Variants in POU2AF2 observed in about 807,000 individuals in gnomAD.
The protein encoded by POU2AF2 is POU class 2 homeobox associating factor 2, also known as POU domain class 2-associating factor 2.
the POU2AF2 span, among the ~76,000 whole-genome samples, chr11:111,255,649 C>T: frequency 6.6e-6 from 1 of 152,342 alleles, no homozygotes; most frequent in South Asian, 2.1e-4. Context: ...TTTCAAGTTG[C>T]ATCCAATCCT....
the POU2AF2 span, among the ~76,000 whole-genome samples, chr11:111,246,359 C>A: frequency 2.6e-5 from 4 of 152,274 alleles, no homozygotes; most frequent in South Asian, 8.3e-4. Flanking sequence ...AAGGAAGAGT[C>A]TGGGCTGTTA....
the POU2AF2 span, among the ~76,000 whole-genome samples, chr11:111,251,011 A>G: frequency 1.3e-5 from 2 of 152,164 alleles, no homozygotes; most frequent in Non-Finnish European, 2.9e-5. Flanking sequence ...GGACCATTGT[A>G]GGGTTTAGAG....
chr11:111,245,741 C>T, the POU2AF2 span: 3 of 398,206 alleles, frequency 7.5e-6, no homozygotes, highest in East Asian at 1.1e-4. Context: ...GGCTTTCCCA[C>T]CAGGGTCAGG....
At chr11:111,280,057 A>AAAATATATATATATATAT in the POU2AF2 span, among the ~76,000 whole-genome samples, 9 of 76,470 alleles carry the variant, frequency 1.2e-4, no homozygotes, top group Admixed American at 1.8e-4. Flanking sequence ...AAAAAAAAAA[A>AAAATATATATATATATAT]ATATATATAT....
the POU2AF2 span, among the ~76,000 whole-genome samples, chr11:111,249,973 C>G: frequency 2.6e-5 from 4 of 152,058 alleles, no homozygotes; most frequent in African/African-American, 7.2e-5. Flanking sequence ...GCTTCAATTA[C>G]CATAATTCTA....
At chr11:111,248,971 C>T in the POU2AF2 span, among the ~76,000 whole-genome samples, 1 of 152,164 alleles carries the variant, frequency 6.6e-6, no homozygotes, top group African/African-American at 2.4e-5. Context: ...CTAAATTCTT[C>T]GTCATTAAAG....
chr11:111,263,595 G>C, the POU2AF2 span, among the ~76,000 whole-genome samples: 1 of 152,044 alleles, frequency 6.6e-6, no homozygotes, highest in Admixed American at 6.5e-5. Context: ...ACCATGCCCA[G>C]CTAATTTTTG....
At chr11:111,258,034 T>A in the POU2AF2 span, among the ~76,000 whole-genome samples, 1 of 152,086 alleles carries the variant, frequency 6.6e-6, no homozygotes, top group Non-Finnish European at 1.5e-5. Context: ...GGGAGGATCA[T>A]TTGAACCTGG....
At chr11:111,264,170 G>C in the POU2AF2 span, among the ~76,000 whole-genome samples, 1 of 152,052 alleles carries the variant, frequency 6.6e-6, no homozygotes, top group Middle Eastern at 3.2e-3. Flanking sequence ...GTTCAGAGGA[G>C]GGAAAGCAAA....
At chr11:111,272,786 T>C in the POU2AF2 span, among the ~76,000 whole-genome samples, 1 of 152,192 alleles carries the variant, frequency 6.6e-6, no homozygotes, top group Non-Finnish European at 1.5e-5. Context: ...TTTAATAAAA[T>C]GAATGAAATG....
chr11:111,264,116 A>G, the POU2AF2 span, among the ~76,000 whole-genome samples: 2 of 152,330 alleles, frequency 1.3e-5, no homozygotes, highest in African/African-American at 4.8e-5. Flanking sequence ...CTTTGCTCCA[A>G]GTGCCAAAAG....
the POU2AF2 span, among the ~76,000 whole-genome samples, chr11:111,267,025 C>T: frequency 1.3e-5 from 2 of 152,126 alleles, no homozygotes; most frequent in African/African-American, 4.8e-5. Flanking sequence ...TGCTCCCTCT[C>T]GGGAACACAT....
chr11:111,272,404 A>T, the POU2AF2 span, among the ~76,000 whole-genome samples: 1 of 152,176 alleles, frequency 6.6e-6, no homozygotes, highest in Admixed American at 6.5e-5. Context: ...TTTTCCCATC[A>T]ATAAGCTAGG....
the POU2AF2 span, among the ~76,000 whole-genome samples, chr11:111,283,008 G>T: frequency 8.6e-5 from 7 of 81,490 alleles, no homozygotes; most frequent in Non-Finnish European, 1.8e-4. Flanking sequence ...CTTAAATGAA[G>T]CTCTTATCAG....
chr11:111,277,475 A>G, the POU2AF2 span, among the ~76,000 whole-genome samples: 1 of 152,232 alleles, frequency 6.6e-6, no homozygotes, highest in South Asian at 2.1e-4. Flanking sequence ...AAACTTTTAG[A>G]GCAGATATGT....
the POU2AF2 span, among the ~76,000 whole-genome samples, chr11:111,265,194 T>C: frequency 6.6e-6 from 1 of 152,102 alleles, no homozygotes; most frequent in East Asian, 1.9e-4. Context: ...AAAGAGAAGG[T>C]TGGGAGGCCT....
At chr11:111,250,256 G>A in the POU2AF2 span, among the ~76,000 whole-genome samples, 1 of 151,876 alleles carries the variant, frequency 6.6e-6, no homozygotes, top group African/African-American at 2.4e-5. Flanking sequence ...AGTATTTCTG[G>A]CTAGCCTCTG....
At chr11:111,252,452 A>T in the POU2AF2 span, among the ~76,000 whole-genome samples, 7 of 151,990 alleles carry the variant, frequency 4.6e-5, no homozygotes, top group Non-Finnish European at 1.0e-4. Context: ...TTTGAGAATC[A>T]CCGACGTATA....
At chr11:111,284,851 A>G in the POU2AF2 span, among the ~76,000 whole-genome samples, 1 of 152,074 alleles carries the variant, frequency 6.6e-6, no homozygotes, top group South Asian at 2.1e-4. Context: ...TAGCCTAAAA[A>G]TCCTTGTTCT....
Sources: gnomAD v4.1 joint callset for allele counts (sites outside exome capture counted in the v4.1 genomes callset) on GRCh38, gnomAD v4.1.1 for gene constraint, MANE v1.5 for transcripts, NCBI Gene and HGNC (gene_info 2026-07-23, HGNC 2026-07-21) for gene names.